Variants in NKAIN2 observed in about 807,000 individuals in gnomAD.
The protein encoded by NKAIN2 is sodium/potassium transporting ATPase interacting 2, also known as sodium/potassium-transporting ATPase subunit beta-1-interacting protein 2.
A neutral mutation model predicts 32.6 loss-of-function variants in NKAIN2; 14 were observed. The ratio of observed to expected loss-of-function variants is 0.43; its 90% CI spans 0.28 to 0.67. NKAIN2 has a LOEUF of 0.67. NKAIN2 is among the 30% of genes least tolerant of loss of function. NKAIN2 has a pLI of 0.17. For synonymous variants in NKAIN2, 80 were observed against 87.2 expected, an observed-to-expected ratio of 0.92 and a Z score of 0.46; for missense variants, 198 against 258.3, an observed-to-expected ratio of 0.77 and a Z score of 1.60.
intron 1 of NKAIN2, among the ~76,000 whole-genome samples, chr6:124,047,448 CTA>C (rs552782793): frequency 0.021 from 3,140 of 151,114 alleles, 115 homozygotes; most frequent in African/African-American, 0.072. Context: ...CTCTCTCTCT[CTA>C]TATATATATA....
chr6:124,304,849 G>GCC (rs1318798898), intron 2 of NKAIN2, among the ~76,000 whole-genome samples: 1 of 152,150 alleles, frequency 6.6e-6, no homozygotes, highest in African/African-American at 2.4e-5. Flanking sequence ...AGGAGGTGGA[G>GCC]ACTGTAGTGA....
intron 3 of NKAIN2, among the ~76,000 whole-genome samples, chr6:124,363,847 C>T (rs752861548): frequency 1.3e-5 from 2 of 151,694 alleles, no homozygotes; most frequent in Non-Finnish European, 2.9e-5. Flanking sequence ...TGACATCAGG[C>T]AATTGAAAAT....
chr6:124,628,943 G>A (rs892773802), intron 3 of NKAIN2, among the ~76,000 whole-genome samples: 1 of 152,168 alleles, frequency 6.6e-6, no homozygotes, highest in African/African-American at 2.4e-5. Flanking sequence ...CAAGGAGTGT[G>A]AGCATTCTAC....
At chr6:124,366,414 TA>T (rs1422505556) in intron 3 of NKAIN2, among the ~76,000 whole-genome samples, 1 of 152,026 alleles carries the variant, frequency 6.6e-6, no homozygotes, top group Non-Finnish European at 1.5e-5. Context: ...TTTTATTCAT[TA>T]AATAAATTGC....
intron 3 of NKAIN2, among the ~76,000 whole-genome samples, chr6:124,406,107 G>A (rs2114475364): frequency 6.6e-6 from 1 of 151,848 alleles, no homozygotes; most frequent in South Asian, 2.1e-4. Flanking sequence ...TGTACATAAA[G>A]TGTAAAATTT....
intron 1 of NKAIN2, among the ~76,000 whole-genome samples, chr6:124,201,528 C>G (rs1308456090): frequency 6.6e-6 from 1 of 151,912 alleles, no homozygotes; most frequent in Non-Finnish European, 1.5e-5. Context: ...TGTTAGCAAA[C>G]ATGGATGTAT....
chr6:124,643,460 G>A (rs1241093813), intron 3 of NKAIN2, among the ~76,000 whole-genome samples: 4 of 151,968 alleles, frequency 2.6e-5, no homozygotes, highest in African/African-American at 9.7e-5. Flanking sequence ...TTGAATTCTT[G>A]GACATAGATT....
intron 1 of NKAIN2, among the ~76,000 whole-genome samples, chr6:124,208,265 G>A (rs1287679189): frequency 6.6e-6 from 1 of 151,828 alleles, no homozygotes; most frequent in African/African-American, 2.4e-5. Context: ...AGTTGTGTGG[G>A]TCCAAGATTT....
At chr6:124,699,514 TAC>T (rs1005783411) in intron 4 of NKAIN2, among the ~76,000 whole-genome samples, 1 of 152,162 alleles carries the variant, frequency 6.6e-6, no homozygotes, top group African/African-American at 2.4e-5. Context: ...GTGATTGGAT[TAC>T]AGAGGCAGTT....
chr6:124,405,166 G>A (rs1773794367), intron 3 of NKAIN2, among the ~76,000 whole-genome samples: 1 of 152,170 alleles, frequency 6.6e-6, no homozygotes, highest in Non-Finnish European at 1.5e-5. Context: ...ACATAGTCGA[G>A]TGTTAGACCA....
intron 3 of NKAIN2, among the ~76,000 whole-genome samples, chr6:124,581,403 C>T (rs1008799776): frequency 7.5e-6 from 1 of 132,936 alleles, no homozygotes; most frequent in Non-Finnish European, 1.5e-5. Context: ...TGCGCCACTG[C>T]AGTCCGCAGT....
chr6:124,185,935 C>G (rs1278897475), intron 1 of NKAIN2, among the ~76,000 whole-genome samples: 3 of 151,728 alleles, frequency 2.0e-5, no homozygotes, highest in African/African-American at 7.3e-5. Context: ...CAAAATAAAG[C>G]TTAGTATATT....
intron 1 of NKAIN2, among the ~76,000 whole-genome samples, chr6:124,145,102 G>C (rs138394742): frequency 6.6e-6 from 1 of 152,176 alleles, no homozygotes; most frequent in East Asian, 1.9e-4. Context: ...TATCACAATG[G>C]CCAAAATAAA....
chr6:123,893,879 T>G (rs942211281), intron 1 of NKAIN2, among the ~76,000 whole-genome samples: 4 of 152,310 alleles, frequency 2.6e-5, no homozygotes, highest in Non-Finnish European at 5.9e-5. Context: ...GCCCAGTATC[T>G]TAAATTTAGA....
At chr6:124,747,604 C>T (rs977788779) in intron 4 of NKAIN2, among the ~76,000 whole-genome samples, 3 of 151,806 alleles carry the variant, frequency 2.0e-5, no homozygotes, top group Non-Finnish European at 4.4e-5. Flanking sequence ...AAGAAGAAAA[C>T]TTGCTTAGCC....
chr6:123,933,535 A>G (rs936342438), intron 1 of NKAIN2, among the ~76,000 whole-genome samples: 3 of 152,240 alleles, frequency 2.0e-5, no homozygotes, highest in African/African-American at 7.2e-5. Flanking sequence ...AGAAGACTGA[A>G]AAGCAAAGAA....
chr6:124,590,169 G>A (rs1340725331), intron 3 of NKAIN2, among the ~76,000 whole-genome samples: 2 of 152,086 alleles, frequency 1.3e-5, no homozygotes, highest in Non-Finnish European at 2.9e-5. Context: ...GCTGAATAAT[G>A]GCAGTAAGAT....
At chr6:124,639,583 G>C (rs760832573) in intron 3 of NKAIN2, among the ~76,000 whole-genome samples, 11 of 151,956 alleles carry the variant, frequency 7.2e-5, no homozygotes, top group Non-Finnish European at 1.6e-4. Flanking sequence ...GCAGTAAGCC[G>C]AGATCACGGC....
At chr6:124,030,344 A>G (rs891430480) in intron 1 of NKAIN2, among the ~76,000 whole-genome samples, 2 of 152,164 alleles carry the variant, frequency 1.3e-5, no homozygotes, top group Admixed American at 6.6e-5. Context: ...CCCTGGTGCC[A>G]AAAAGGTTGG....
Sources: allele counts gnomAD v4.1 joint callset (sites outside exome capture counted in the v4.1 genomes callset), GRCh38; gene constraint gnomAD v4.1.1; transcripts MANE v1.5; gene names NCBI Gene and HGNC (gene_info 2026-07-23, HGNC 2026-07-21).